The following CCSER1 variants were observed in gnomAD, a reference collection of about 807,000 sequenced individuals.
CCSER1 encodes the protein coiled-coil serine rich protein 1, also known as serine-rich coiled-coil domain-containing protein 1.
CCSER1 carries 41 observed loss-of-function variants against 82.0 expected under a neutral mutation model. That is an observed-to-expected ratio of 0.50 (90% CI 0.39 to 0.65). CCSER1 has a LOEUF of 0.65. Ranked by LOEUF, CCSER1 falls within the 30% of genes least tolerant of loss-of-function variation. CCSER1 has a pLI of 0.00. For synonymous variants in CCSER1, 414 were observed against 383.9 expected, an observed-to-expected ratio of 1.08 and a Z score of -0.92; for missense variants, 1,119 against 1,064.2, an observed-to-expected ratio of 1.05 and a Z score of -0.72.
At chr4:90,695,195 T>C (rs1033091213) in intron 6 of CCSER1, among the ~76,000 whole-genome samples, 5 of 151,656 alleles carry the variant, frequency 3.3e-5, no homozygotes, top group Non-Finnish European at 5.9e-5. Flanking sequence ...CACAGTGCTT[T>C]GAATAAAAGC....
chr4:90,954,429 G>GTTTACTTAATA (rs1272244140), intron 9 of CCSER1, among the ~76,000 whole-genome samples: 1 of 151,804 alleles, frequency 6.6e-6, no homozygotes, highest in East Asian at 1.9e-4. Context: ...TTAAATTACA[G>GTTTACTTAATA]TTTACTTAAT....
At chr4:90,838,220 C>CT (rs890734418) in intron 8 of CCSER1, among the ~76,000 whole-genome samples, 86 of 149,140 alleles carry the variant, frequency 5.8e-4, no homozygotes, top group Middle Eastern at 3.6e-3. Flanking sequence ...AATATGAGTA[C>CT]TTTTTTTTTA....
intron 3 of CCSER1, among the ~76,000 whole-genome samples, chr4:90,342,321 T>G (rs995556936): frequency 6.6e-6 from 1 of 152,178 alleles, no homozygotes; most frequent in African/African-American, 2.4e-5. Context: ...CCTTTACACT[T>G]GTTCTATTCT....
chr4:91,048,374 C>A (rs1038237062), intron 9 of CCSER1, among the ~76,000 whole-genome samples: 1 of 91,530 alleles, frequency 1.1e-5, no homozygotes, highest in Non-Finnish European at 3.0e-5. Context: ...TTCTTCTTTA[C>A]TTTTTGTTCC....
At chr4:91,477,184 TAC>T (rs1757640707) in intron 10 of CCSER1, among the ~76,000 whole-genome samples, 2 of 151,922 alleles carry the variant, frequency 1.3e-5, no homozygotes, top group African/African-American at 4.8e-5. Flanking sequence ...AAAGGATTAA[TAC>T]CCAGAATAGA....
At chr4:90,224,903 TG>T (rs1284678126) in intron 1 of CCSER1, among the ~76,000 whole-genome samples, 1 of 152,176 alleles carries the variant, frequency 6.6e-6, no homozygotes, top group Non-Finnish European at 1.5e-5. Context: ...TTCTAGTTCC[TG>T]GCTTGTGTAC....
In CCSER1 at chr4:90,384,291, T is replaced by TC. The variant is rs1302054495; in HGVS notation, c.1510-15739dup. On this transcript the variant is annotated intron_variant, in intron 3 of 10. Coordinates refer to ENST00000509176, the MANE Select transcript of CCSER1 (RefSeq NM_001145065.2). ...ATTTGCTAATGCTATCCCTCCCCCC[T>TC]CCCCCCACCCTTTGTAGGGACATGG... Among the ~76,000 whole-genome samples the TC allele has an allele frequency of 2.8e-4, 22 of 78,216 alleles. No homozygotes were observed. In the Admixed American group the frequency reaches 4.0e-3, roughly 14 times the overall value. 51.3% of individuals were successfully genotyped at this position (78,216 alleles called of 152,430 possible).
At chr4:90,939,134 C>A (rs76979073) in intron 9 of CCSER1, among the ~76,000 whole-genome samples, 8,916 of 152,136 alleles carry the variant, frequency 0.059, 367 homozygotes, top group Middle Eastern at 0.088. Context: ...AGTTTGAAAA[C>A]AATGCCTTTA....
intron 9 of CCSER1, among the ~76,000 whole-genome samples, chr4:90,957,539 T>TATAA (rs1733610864): frequency 8.2e-6 from 1 of 122,506 alleles, no homozygotes; most frequent in Non-Finnish European, 1.6e-5. Context: ...ATTATATATA[T>TATAA]TATATAATTA....
intron 1 of CCSER1, among the ~76,000 whole-genome samples, chr4:90,136,500 C>G (rs1021569447): frequency 6.6e-6 from 1 of 152,176 alleles, no homozygotes; most frequent in Non-Finnish European, 1.5e-5. Flanking sequence ...GAAATTAGCT[C>G]TTTCTTGGAA....
chr4:90,315,377 AAT>A (rs1381426855), intron 3 of CCSER1, among the ~76,000 whole-genome samples: 3 of 152,240 alleles, frequency 2.0e-5, no homozygotes, highest in African/African-American at 7.2e-5. Context: ...TACTGAAATA[AAT>A]ACTGAAACTT....
At chr4:90,567,504 G>A (rs57689082) in intron 5 of CCSER1, among the ~76,000 whole-genome samples, 4,082 of 151,938 alleles carry the variant, frequency 0.027, 138 homozygotes, top group South Asian at 0.088. Context: ...TGGTCAGGCT[G>A]GTCTCAAACT....
intron 6 of CCSER1, among the ~76,000 whole-genome samples, chr4:90,687,169 G>A (rs1439815130): frequency 6.6e-6 from 1 of 152,080 alleles, no homozygotes. Flanking sequence ...AAGCACTTCA[G>A]AATTATTCTC....
intron 9 of CCSER1, among the ~76,000 whole-genome samples, chr4:90,983,255 T>C (rs1220542994): frequency 9.9e-5 from 15 of 151,832 alleles, no homozygotes; most frequent in Admixed American, 9.9e-4. Flanking sequence ...CATCTCATGT[T>C]GTTTTTAATG....
chr4:91,156,508 A>G (rs1730833203), intron 10 of CCSER1, among the ~76,000 whole-genome samples: 1 of 151,552 alleles, frequency 6.6e-6, no homozygotes, highest in South Asian at 2.1e-4. Context: ...TTTTAGGGTC[A>G]TCAAAAGAAT....
intron 1 of CCSER1, among the ~76,000 whole-genome samples, chr4:90,159,568 T>G (rs1407393566): frequency 6.6e-6 from 1 of 152,200 alleles, no homozygotes; most frequent in Admixed American, 6.5e-5. Context: ...TATTTGGATA[T>G]ACCAAATTAG....
intron 10 of CCSER1, among the ~76,000 whole-genome samples, chr4:91,373,513 A>G (rs530148048): frequency 1.3e-5 from 2 of 152,288 alleles, no homozygotes; most frequent in South Asian, 2.1e-4. Flanking sequence ...ACTGTCAAAT[A>G]TGTCTATAGA....
intron 1 of CCSER1, among the ~76,000 whole-genome samples, chr4:90,165,670 TG>T (rs1730320189): frequency 6.6e-6 from 1 of 152,048 alleles, no homozygotes; most frequent in East Asian, 1.9e-4. Flanking sequence ...TCTGTGATAA[TG>T]GTATACACAT....
At chr4:90,888,227 C>G (rs1722442502) in intron 8 of CCSER1, among the ~76,000 whole-genome samples, 1 of 152,022 alleles carries the variant, frequency 6.6e-6, no homozygotes, top group African/African-American at 2.4e-5. Flanking sequence ...AAAAAATCAG[C>G]TCTAATGCCA....
Sources: allele counts gnomAD v4.1 joint callset (sites outside exome capture counted in the v4.1 genomes callset), GRCh38; gene constraint gnomAD v4.1.1; transcripts MANE v1.5; gene names NCBI Gene and HGNC (gene_info 2026-07-23, HGNC 2026-07-21).